The following NAALADL2 variants were observed in gnomAD, a reference collection of about 807,000 sequenced individuals.
NAALADL2 encodes the protein inactive N-acetylated-alpha-linked acidic dipeptidase-like protein 2.
Under a neutral mutation model 87.2 loss-of-function variants are expected in NAALADL2, and 76 were observed. The observed-to-expected ratio is 0.87, with a 90% CI of 0.72 to 1.05. NAALADL2 has a LOEUF of 1.05. NAALADL2 is among the 50% of genes least tolerant of loss of function. The pLI, the probability that NAALADL2 is intolerant of heterozygous loss-of-function variation, is 0.00. For missense variants in NAALADL2, 1,089 were observed against 945.8 expected, an observed-to-expected ratio of 1.15 and a Z score of -1.99; for synonymous variants, 354 against 331.0, an observed-to-expected ratio of 1.07 and a Z score of -0.75.
chr3:175,076,794 A>G (rs150273282), intron 1 of NAALADL2, among the ~76,000 whole-genome samples: 241 of 152,340 alleles, frequency 1.6e-3, no homozygotes, highest in Middle Eastern at 0.014. Flanking sequence ...TTAGTTTTGA[A>G]ATCTATAAAG....
chr3:175,741,883 G>A (rs1745278882), intron 12 of NAALADL2, among the ~76,000 whole-genome samples: 1 of 152,094 alleles, frequency 6.6e-6, no homozygotes, highest in Admixed American at 6.5e-5. Flanking sequence ...CGTTAATGAC[G>A]CACCCATGAC....
intron 11 of NAALADL2, among the ~76,000 whole-genome samples, chr3:175,667,743 G>GTTTTTTTTTTTT (rs58514374): frequency 8.3e-6 from 1 of 120,052 alleles, no homozygotes. Context: ...GTTTTTTGCT[G>GTTTTTTTTTTTT]TTTTTTTTTT....
chr3:175,199,839 TA>T (rs1560153196), intron 2 of NAALADL2, among the ~76,000 whole-genome samples: 3 of 12,916 alleles, frequency 2.3e-4, no homozygotes, highest in African/African-American at 3.4e-4. Context: ...TATATATATA[TA>T]TATATATATA....
At chr3:174,659,696 A>G (rs1283185707) in intron 2 of NAALADL2, among the ~76,000 whole-genome samples, 7 of 152,172 alleles carry the variant, frequency 4.6e-5, no homozygotes, top group Non-Finnish European at 2.9e-5. Context: ...GAAAGGGAAG[A>G]TAAGTCAGGT....
chr3:175,115,930 C>T (rs1426738230), intron 2 of NAALADL2, among the ~76,000 whole-genome samples: 2 of 151,864 alleles, frequency 1.3e-5, no homozygotes, highest in Admixed American at 1.3e-4. Flanking sequence ...GCTGGTTCAA[C>T]ATATGCAAAT....
At chr3:174,714,073 C>A (rs1196888459) in intron 2 of NAALADL2, among the ~76,000 whole-genome samples, 4 of 152,248 alleles carry the variant, frequency 2.6e-5, no homozygotes, top group Non-Finnish European at 5.9e-5. Context: ...TTCCCCATTT[C>A]TTGTTTTTGT....
At chr3:174,797,329 T>G (rs1718256759) in intron 3 of NAALADL2, among the ~76,000 whole-genome samples, 1 of 131,444 alleles carries the variant, frequency 7.6e-6, no homozygotes, top group Non-Finnish European at 1.6e-5. Context: ...TTTTTTTTTT[T>G]GAGACAGAGT....
chr3:175,433,262 A>C (rs1718073952), intron 5 of NAALADL2, among the ~76,000 whole-genome samples: 1 of 152,038 alleles, frequency 6.6e-6, no homozygotes, highest in Admixed American at 6.6e-5. Context: ...AAACATTCAC[A>C]GTGTTGACTA....
At chr3:174,661,381 T>C (rs1725488962) in intron 2 of NAALADL2, among the ~76,000 whole-genome samples, 1 of 152,144 alleles carries the variant, frequency 6.6e-6, no homozygotes, top group Admixed American at 6.6e-5. Context: ...TATTCCAGGC[T>C]CTTAGTTCTG....
At chr3:175,710,072 A>G (rs576975799) in intron 11 of NAALADL2, among the ~76,000 whole-genome samples, 5 of 152,166 alleles carry the variant, frequency 3.3e-5, no homozygotes, top group Admixed American at 3.3e-4. Flanking sequence ...AACATGTTCC[A>G]GTAGTGATAG....
At chr3:175,581,463 C>A (rs540774689) in intron 10 of NAALADL2, among the ~76,000 whole-genome samples, 17 of 151,976 alleles carry the variant, frequency 1.1e-4, no homozygotes, top group African/African-American at 4.1e-4. Context: ...ATAAATAAAG[C>A]CTGAATACAA....
chr3:175,012,978 TACACAAAA>T (rs1386521383), intron 1 of NAALADL2, among the ~76,000 whole-genome samples: 8 of 137,062 alleles, frequency 5.8e-5, no homozygotes, highest in African/African-American at 1.4e-4. Context: ...TATATATATA[TACACAAAA>T]ATATATATAC....
intron 3 of NAALADL2, among the ~76,000 whole-genome samples, chr3:174,816,516 T>C (rs929575473): frequency 4.7e-5 from 5 of 107,468 alleles, no homozygotes; most frequent in Non-Finnish European, 9.7e-5. Flanking sequence ...TACATTTATT[T>C]ATATTATATT....
At chr3:174,636,009 T>A (rs1722610893) in intron 2 of NAALADL2, among the ~76,000 whole-genome samples, 1 of 152,206 alleles carries the variant, frequency 6.6e-6, no homozygotes. Flanking sequence ...AATATTCATA[T>A]CATGACTCAA....
chr3:174,934,837 A>G (rs900142866), intron 1 of NAALADL2, among the ~76,000 whole-genome samples: 1 of 152,164 alleles, frequency 6.6e-6, no homozygotes, highest in Non-Finnish European at 1.5e-5. Context: ...GGATATTATG[A>G]TAGAGGAATT....
At chr3:174,622,245 G>A (rs892746596) in intron 2 of NAALADL2, among the ~76,000 whole-genome samples, 1 of 152,166 alleles carries the variant, frequency 6.6e-6, no homozygotes, top group African/African-American at 2.4e-5. Flanking sequence ...TTAGAATGAA[G>A]AGGAGGATAG....
chr3:174,530,917 A>G (rs1034866681), intron 1 of NAALADL2, among the ~76,000 whole-genome samples: 3 of 152,246 alleles, frequency 2.0e-5, no homozygotes, highest in African/African-American at 7.2e-5. Context: ...AGGAACAATA[A>G]TTCATCTCTT....
At chr3:175,205,314 T>C (rs759478001) in intron 2 of NAALADL2, among the ~76,000 whole-genome samples, 8 of 152,296 alleles carry the variant, frequency 5.3e-5, no homozygotes, top group Non-Finnish European at 1.0e-4. Flanking sequence ...AGCCAGCTGA[T>C]CTTTGATGAA....
chr3:174,888,338 A>C (rs1431887648), intron 1 of NAALADL2, among the ~76,000 whole-genome samples: 1 of 152,228 alleles, frequency 6.6e-6, no homozygotes, highest in Non-Finnish European at 1.5e-5. Flanking sequence ...AAAGTGAAAT[A>C]ATGACATGAG....
Sources: allele counts gnomAD v4.1 joint callset (sites outside exome capture counted in the v4.1 genomes callset), GRCh38; gene constraint gnomAD v4.1.1; transcripts MANE v1.5; gene names NCBI Gene and HGNC (gene_info 2026-07-23, HGNC 2026-07-21).